The following COG7 variants were observed in gnomAD, a reference collection of about 807,000 sequenced individuals.
COG7 encodes component of oligomeric golgi complex 7, also known as conserved oligomeric Golgi complex subunit 7.
COG7 carries 49 observed loss-of-function variants against 91.5 expected under a neutral mutation model. The ratio of observed to expected loss-of-function variants is 0.54; its 90% CI spans 0.43 to 0.68. The LOEUF is 0.68. Among genes scored for constraint, COG7 ranks in the 30% least tolerant of loss-of-function variants. COG7 has a pLI of 0.00. For missense variants in COG7, 895 were observed against 961.3 expected, an observed-to-expected ratio of 0.93 and a Z score of 0.91; for synonymous variants, 365 against 388.7, an observed-to-expected ratio of 0.94 and a Z score of 0.72.
intron 6 of COG7, 127 bp from the exon 7 acceptor site, chr16:23,425,074 C>G: frequency 1.3e-6 from 1 of 786,768 alleles, no homozygotes; most frequent in Non-Finnish European, 2.1e-6. Flanking sequence ...CCTTGGGAGG[C>G]CAAGGAAGGT....
intron 6 of COG7, among the ~76,000 whole-genome samples, chr16:23,428,692 C>CT (rs898850977): frequency 0.013 from 1,780 of 134,632 alleles, 38 homozygotes; most frequent in African/African-American, 0.04. Flanking sequence ...TGTTTCTTTT[C>CT]TTTTTTTTTT....
intron 3 of COG7, among the ~76,000 whole-genome samples, chr16:23,444,262 A>T (rs994183467): frequency 1.3e-5 from 2 of 152,080 alleles, no homozygotes; most frequent in Admixed American, 6.6e-5. Flanking sequence ...GTAACTTTTT[A>T]AAAAAACTGA....
chr16:23,422,353 T>C (rs2142079460), intron 7 of COG7, among the ~76,000 whole-genome samples: 1 of 151,706 alleles, frequency 6.6e-6, no homozygotes, highest in South Asian at 2.1e-4. Context: ...AACTATGTCT[T>C]AGGAAAACAT....
rs1375497531 is a variant in COG7, at chr16:23,446,079, G to A, written c.170-118C>T. 11 of 1,245,798 alleles carry A rather than the reference G, an allele frequency of 8.8e-6. No homozygotes were observed. The East Asian group carries it at 1.5e-4, about 17-fold the overall frequency. The allele number at this position is 1,245,798 out of a possible 1,614,324, so 77.2% of individuals were successfully genotyped here. ...ATCAGACAACAGAAAGGAAATGCAC[G>A]ACCAACCAAACGGTTTTTGGAGCCT... is the stretch of plus-strand genomic sequence containing the variant. On this transcript the variant is annotated intron_variant, in intron 1 of 16. Coordinates refer to ENST00000307149, the MANE Select transcript of COG7 (RefSeq NM_153603.4).
intron 1 of COG7, among the ~76,000 whole-genome samples, chr16:23,450,318 T>A (rs1046080313): frequency 6.6e-6 from 1 of 152,154 alleles, no homozygotes; most frequent in South Asian, 2.1e-4. Flanking sequence ...GGGCAAGTGC[T>A]TTATGATTCT....
intron 6 of COG7, among the ~76,000 whole-genome samples, chr16:23,429,056 C>G (rs1963893106): frequency 6.6e-6 from 1 of 151,960 alleles, no homozygotes; most frequent in Admixed American, 6.6e-5. Flanking sequence ...GTAGAGCAAT[C>G]ATGGCTCATT....
chr16:23,419,812 G>C (rs1963724072), intron 7 of COG7, among the ~76,000 whole-genome samples: 1 of 147,858 alleles, frequency 6.8e-6, no homozygotes, highest in Non-Finnish European at 1.5e-5. Context: ...CAATTCCCAT[G>C]CCACATGTTC....
chr16:23,417,592 C>A (rs898932662), intron 8 of COG7, among the ~76,000 whole-genome samples: 19 of 152,008 alleles, frequency 1.2e-4, no homozygotes, highest in Non-Finnish European at 2.2e-4. Flanking sequence ...CATGGCGAAA[C>A]CCCATCTCTA....
chr16:23,449,236 G>A (rs527609824), intron 1 of COG7, among the ~76,000 whole-genome samples: 3 of 151,930 alleles, frequency 2.0e-5, no homozygotes, highest in South Asian at 4.2e-4. Context: ...GGTGGCGGGC[G>A]CCTGTAGTCC....
At chr16:23,413,421 A>C (rs772653372) in intron 10 of COG7, 27 bp downstream of exon 10, 2 of 1,126,336 alleles carry the variant, frequency 1.8e-6, no homozygotes, top group African/African-American at 1.5e-5. Context: ...CATTAGGAAC[A>C]AGCTTGAATT....
At chr16:23,418,666 C>G in intron 8 of COG7, 34 bp downstream of exon 8, 1 of 1,610,712 alleles carries the variant, frequency 6.2e-7, no homozygotes, top group Non-Finnish European at 8.5e-7. Context: ...TAACAGAATG[C>G]TTCCTCAGTG....
At chr16:23,413,677 T>C (rs138132617) in intron 9 of COG7, 113 bp from the exon 10 acceptor site, 2 of 754,006 alleles carry the variant, frequency 2.7e-6, no homozygotes, top group African/African-American at 1.7e-5. Flanking sequence ...AGAGCATCTT[T>C]AGAGGCTCCC....
At chr16:23,393,372 G>C in intron 14 of COG7, 25 bp from the exon 15 acceptor site, 1 of 1,540,744 alleles carries the variant, frequency 6.5e-7, no homozygotes, top group Non-Finnish European at 9.0e-7. Context: ...AGCGCTGTTA[G>C]CCTGACATTG....
At chr16:23,421,149 A>T (rs947794512) in intron 7 of COG7, among the ~76,000 whole-genome samples, 4 of 151,876 alleles carry the variant, frequency 2.6e-5, no homozygotes, top group Admixed American at 2.6e-4. Flanking sequence ...CTAAATTTTT[A>T]AAAATTTACT....
At chr16:23,412,580 G>T (rs1489180864) in intron 10 of COG7, 1 of 152,252 alleles carries the variant, frequency 6.6e-6, no homozygotes, top group Admixed American at 6.5e-5. Context: ...AAGCCTCAGG[G>T]ACTGGGGCAA....
chr16:23,405,995 G>A (rs897762583), intron 12 of COG7, 81 bp downstream of exon 12: 24 of 1,319,652 alleles, frequency 1.8e-5, no homozygotes, highest in African/African-American at 8.7e-5. Flanking sequence ...CACAGGGCCC[G>A]CCTGTAACCC....
intron 1 of COG7, among the ~76,000 whole-genome samples, chr16:23,448,153 C>G (rs1156343191): frequency 2.0e-5 from 3 of 152,044 alleles, no homozygotes; most frequent in Non-Finnish European, 2.9e-5. Flanking sequence ...TCTCATCTTG[C>G]ATAAAAATAA....
chr16:23,429,982 C>G (rs1000430534), intron 6 of COG7, among the ~76,000 whole-genome samples: 2 of 152,106 alleles, frequency 1.3e-5, no homozygotes, highest in African/African-American at 4.8e-5. Flanking sequence ...GCAGTGGTTG[C>G]CTTAAGGGTG....
intron 14 of COG7, among the ~76,000 whole-genome samples, 200 bp downstream of exon 14, chr16:23,397,846 T>C (rs1963309788): frequency 1.3e-5 from 2 of 152,316 alleles, no homozygotes; most frequent in Middle Eastern, 3.4e-3. Flanking sequence ...GGAGTGAGAA[T>C]GTGCTGGGGT....
Sources: allele counts gnomAD v4.1 joint callset (sites outside exome capture counted in the v4.1 genomes callset), GRCh38; gene constraint gnomAD v4.1.1; transcripts MANE v1.5; gene names NCBI Gene and HGNC (gene_info 2026-07-23, HGNC 2026-07-21).